Variants in AGBL4 observed in about 807,000 individuals in gnomAD.
AGBL4 encodes AGBL carboxypeptidase 4.
In AGBL4, 58 loss-of-function variants were observed where a neutral mutation model predicts 66.4. That is an observed-to-expected ratio of 0.87 (90% CI 0.71 to 1.09). AGBL4 has a LOEUF of 1.09. Among genes scored for constraint, AGBL4 ranks in the 50% least tolerant of loss-of-function variants. The pLI is 0.00. For missense variants in AGBL4, 579 were observed against 631.0 expected, an observed-to-expected ratio of 0.92 and a Z score of 0.88; for synonymous variants, 234 against 222.9, an observed-to-expected ratio of 1.05 and a Z score of -0.44.
At position 48,605,092 on chromosome 1, in the gene AGBL4, T is replaced by C. The variant is rs1645135344; in HGVS notation, c.952-14107A>G. Among the ~76,000 whole-genome samples the C allele has an allele frequency of 2.6e-5, 4 of 152,220 alleles. No individual in the cohort carries two copies. The South Asian group carries it at 8.3e-4, about 32-fold the overall frequency. Reference sequence around the variant, plus strand: ...ATTCTTAATGTACCTGTTTTACAGATGAATGCATTGCTTAAGTTTACACAG... The same window carrying C: ...ATTCTTAATGTACCTGTTTTACAGACGAATGCATTGCTTAAGTTTACACAG... On this transcript the variant is annotated intron_variant, in intron 9 of 13. Transcript: ENST00000371839.
chr1:49,961,805 A>G (rs1216931907), intron 1 of AGBL4, among the ~76,000 whole-genome samples: 2 of 152,152 alleles, frequency 1.3e-5, no homozygotes, highest in South Asian at 2.1e-4. Flanking sequence ...TACTAGTCAC[A>G]TGGAAAGAAC....
At chr1:48,783,851 C>G (rs1160169333) in intron 6 of AGBL4, among the ~76,000 whole-genome samples, 1 of 152,102 alleles carries the variant, frequency 6.6e-6, no homozygotes. Flanking sequence ...CTTAAGGTAA[C>G]ATGCCAAGCA....
chr1:49,629,822 T>G lies in AGBL4; in HGVS notation c.282+67491A>C, dbSNP rs1347786355. ...CCCTCCAAGAAACATGGCCACCTCT[T>G]CTATTAATGGTTTTCAGAAAACTGA... On this transcript the variant is annotated intron_variant, in intron 3 of 13. Coordinates refer to ENST00000371839, the MANE Select transcript of AGBL4 (RefSeq NM_032785.4). Among the ~76,000 whole-genome samples, 3 of 152,188 alleles carry G rather than the reference T, an allele frequency of 2.0e-5. No homozygotes were observed. The East Asian group carries it at 5.8e-4, about 29-fold the overall frequency.
chr1:49,404,818 G>C (rs1256859617), intron 3 of AGBL4, among the ~76,000 whole-genome samples: 2 of 152,104 alleles, frequency 1.3e-5, no homozygotes, highest in Non-Finnish European at 2.9e-5. Flanking sequence ...TATTTTAGCT[G>C]AATTAAAATT....
At chr1:48,733,212 T>A (rs1430238425) in intron 6 of AGBL4, among the ~76,000 whole-genome samples, 1 of 152,094 alleles carries the variant, frequency 6.6e-6, no homozygotes, top group Non-Finnish European at 1.5e-5. Context: ...AAATGAGTGA[T>A]CAAATATATT....
intron 3 of AGBL4, among the ~76,000 whole-genome samples, chr1:49,663,214 A>C (rs1646303258): frequency 6.6e-6 from 1 of 152,154 alleles, no homozygotes; most frequent in Non-Finnish European, 1.5e-5. Flanking sequence ...GGGCAGAGAC[A>C]ACTTGCTGTC....
chr1:49,554,196 G>A (rs1558045503), intron 3 of AGBL4, among the ~76,000 whole-genome samples: 1 of 152,048 alleles, frequency 6.6e-6, no homozygotes. Flanking sequence ...AAATCCAGAA[G>A]GTCCAAACTA....
At chr1:49,147,568 A>C (rs899911238) in intron 4 of AGBL4, among the ~76,000 whole-genome samples, 1 of 152,136 alleles carries the variant, frequency 6.6e-6, no homozygotes, top group Non-Finnish European at 1.5e-5. Context: ...GAATTTCCAC[A>C]TACCTCGTAA....
At chr1:48,861,667 G>C (rs1647488200) in intron 6 of AGBL4, among the ~76,000 whole-genome samples, 1 of 152,170 alleles carries the variant, frequency 6.6e-6, no homozygotes, top group Non-Finnish European at 1.5e-5. Flanking sequence ...GGCTTTCCCA[G>C]TGACTTTCCA....
At chr1:48,868,582 T>C (rs192699942) in intron 5 of AGBL4, among the ~76,000 whole-genome samples, 5 of 152,314 alleles carry the variant, frequency 3.3e-5, no homozygotes, top group African/African-American at 2.4e-5. Context: ...TAATCTAGCA[T>C]GATGCCTGGT....
At chr1:48,528,676 C>T (rs1400977789), downstream of AGBL4, among the ~76,000 whole-genome samples, 1 of 152,084 alleles carries the variant, frequency 6.6e-6, no homozygotes, top group African/African-American at 2.4e-5. Context: ...GAAAATAAGC[C>T]CTGACCAGCA....
intron 9 of AGBL4, among the ~76,000 whole-genome samples, chr1:48,597,364 T>C (rs926345356): frequency 3.3e-5 from 5 of 152,156 alleles, no homozygotes; most frequent in African/African-American, 1.2e-4. Flanking sequence ...AGGTGGGGTT[T>C]ACAAACTATA....
At chr1:49,548,535 A>C (rs1396566294) in intron 3 of AGBL4, among the ~76,000 whole-genome samples, 2 of 152,226 alleles carry the variant, frequency 1.3e-5, no homozygotes, top group Non-Finnish European at 2.9e-5. Context: ...TGAGATGAAC[A>C]TGTGATTTTT....
intron 9 of AGBL4, among the ~76,000 whole-genome samples, chr1:48,613,170 T>C (rs906777230): frequency 1.3e-5 from 2 of 151,654 alleles, no homozygotes; most frequent in Admixed American, 6.6e-5. Context: ...CTTTAAGAGG[T>C]ATGTGTGTTT....
intron 3 of AGBL4, among the ~76,000 whole-genome samples, chr1:49,531,881 C>A (rs1309917026): frequency 2.0e-5 from 3 of 152,064 alleles, no homozygotes; most frequent in Admixed American, 6.5e-5. Context: ...CATAAAAACA[C>A]AATTTCATAA....
chr1:49,939,979 T>A (rs1654567426), intron 1 of AGBL4, among the ~76,000 whole-genome samples: 1 of 152,242 alleles, frequency 6.6e-6, no homozygotes, highest in African/African-American at 2.4e-5. Context: ...ATCCAGAATC[T>A]ACAATGAACT....
At chr1:49,136,943 C>T (rs1646023757) in intron 4 of AGBL4, among the ~76,000 whole-genome samples, 1 of 152,014 alleles carries the variant, frequency 6.6e-6, no homozygotes, top group Non-Finnish European at 1.5e-5. Flanking sequence ...AAACTGAAAC[C>T]CTTTCCACTT....
At chr1:49,935,424 GAC>G (rs1653874402) in intron 1 of AGBL4, among the ~76,000 whole-genome samples, 1 of 152,204 alleles carries the variant, frequency 6.6e-6, no homozygotes, top group Admixed American at 6.5e-5. Context: ...CAAACAAAAA[GAC>G]AGCAGTAACC....
intron 1 of AGBL4, among the ~76,000 whole-genome samples, chr1:49,883,226 G>A (rs897138729): frequency 4.0e-5 from 6 of 151,890 alleles, no homozygotes; most frequent in African/African-American, 9.7e-5. Context: ...TGTTTATAGC[G>A]ATTCCACACA....
Sources: allele counts gnomAD v4.1 joint callset (sites outside exome capture counted in the v4.1 genomes callset), GRCh38; gene constraint gnomAD v4.1.1; transcripts MANE v1.5; gene names NCBI Gene and HGNC (gene_info 2026-07-23, HGNC 2026-07-21).